HSD17B2: variants seen among roughly 807,000 people sequenced by gnomAD.
HSD17B2 encodes the protein hydroxysteroid 17-beta dehydrogenase 2, also known as 17-beta-hydroxysteroid dehydrogenase type 2.
Under a neutral mutation model 26.9 loss-of-function variants are expected in HSD17B2, and 32 were observed. That is an observed-to-expected ratio of 1.19 (90% CI 0.90 to 1.60). HSD17B2 has a LOEUF of 1.60. Ranked by LOEUF, HSD17B2 falls within the 40% of genes most tolerant of loss-of-function variation. The pLI is 0.00. For synonymous variants in HSD17B2, 246 were observed against 186.7 expected (o/e 1.32, Z -2.59); for missense variants, 613 against 468.6 (o/e 1.31, Z -2.85).
chr16:82,042,707 C>T (rs1334690355), intron 1 of HSD17B2, among the ~76,000 whole-genome samples: 1 of 151,984 alleles, frequency 6.6e-6, no homozygotes, highest in Non-Finnish European at 1.5e-5. Flanking sequence ...CTGCAACCTC[C>T]TCCTCCTGGG....
chr16:82,092,231 A>T (rs901378276), intron 4 of HSD17B2: 8 of 152,082 alleles, frequency 5.3e-5, no homozygotes, highest in South Asian at 4.2e-4. Flanking sequence ...TTTCAGAAAC[A>T]ATATTTTTCT....
At chr16:82,060,809 G>A (rs1914417394) in intron 1 of HSD17B2, among the ~76,000 whole-genome samples, 1 of 152,172 alleles carries the variant, frequency 6.6e-6, no homozygotes, top group Admixed American at 6.5e-5. Context: ...TAGGGGCAAG[G>A]ACGCATAAAG....
intron 1 of HSD17B2, among the ~76,000 whole-genome samples, chr16:82,060,444 G>C (rs975622749): frequency 5.3e-5 from 8 of 152,188 alleles, no homozygotes; most frequent in African/African-American, 1.9e-4. Flanking sequence ...GGGGAGCCCC[G>C]GAGGTCCTCA....
At chr16:82,095,163 G>GT (rs946646223) in intron 4 of HSD17B2, 2 of 152,218 alleles carry the variant, frequency 1.3e-5, no homozygotes, top group African/African-American at 4.8e-5. Context: ...GAAGAATGAG[G>GT]TGTCAGCCCA....
chr16:82,096,971 A>T (rs1486757536), intron 4 of HSD17B2: 1 of 151,970 alleles, frequency 6.6e-6, no homozygotes, highest in Admixed American at 6.6e-5. Flanking sequence ...GTGGGCTGAA[A>T]GGAGAGATTT....
chr16:82,070,841 G>A (rs1278845028), intron 2 of HSD17B2, 101 bp from the exon 3 acceptor site: 2 of 1,113,622 alleles, frequency 1.8e-6, no homozygotes, highest in South Asian at 1.5e-5. Context: ...CAGGAGACCT[G>A]GCTCACACGT....
intron 1 of HSD17B2, among the ~76,000 whole-genome samples, chr16:82,040,655 G>A (rs147948089): frequency 6.6e-6 from 1 of 152,166 alleles, no homozygotes; most frequent in African/African-American, 2.4e-5. Flanking sequence ...GCTTAATACA[G>A]AGCTTGGCAA....
chr16:82,091,676 C>A (rs529968396), intron 4 of HSD17B2: 1 of 153,948 alleles, frequency 6.5e-6, no homozygotes, highest in African/African-American at 2.4e-5. Flanking sequence ...CCTTATGCTG[C>A]TAGAAACTGT....
intron 3 of HSD17B2, among the ~76,000 whole-genome samples, chr16:82,080,203 G>C (rs1183065523): frequency 6.6e-6 from 1 of 152,206 alleles, no homozygotes; most frequent in Non-Finnish European, 1.5e-5. Context: ...CAGCTGGTCT[G>C]GGAGGCAGAA....
chr16:82,038,711 C>A (rs916199748), intron 1 of HSD17B2, among the ~76,000 whole-genome samples: 1 of 152,218 alleles, frequency 6.6e-6, no homozygotes, highest in Non-Finnish European at 1.5e-5. Context: ...AGAGGCAGTG[C>A]TTTCTGTGAG....
At chr16:82,039,352 GGA>G (rs1184386645) in intron 1 of HSD17B2, among the ~76,000 whole-genome samples, 7 of 134,080 alleles carry the variant, frequency 5.2e-5, no homozygotes, top group East Asian at 2.1e-4. Flanking sequence ...AGAGAGAGAG[GGA>G]GAGAGAGAGA....
chr16:82,050,022 T>C (rs1597122474), intron 1 of HSD17B2, among the ~76,000 whole-genome samples: 1 of 152,230 alleles, frequency 6.6e-6, no homozygotes, highest in Non-Finnish European at 1.5e-5. Context: ...CTAAGGCATG[T>C]GCCTGGGCAT....
chr16:82,063,862 CTT>C (rs561138253), intron 1 of HSD17B2, among the ~76,000 whole-genome samples: 269 of 152,262 alleles, frequency 1.8e-3, no homozygotes, highest in African/African-American at 6.3e-3. Context: ...TTAACGAACA[CTT>C]TGTTCCGACT....
chr16:82,087,421 A>G (rs1237110089), intron 3 of HSD17B2, among the ~76,000 whole-genome samples: 1 of 152,190 alleles, frequency 6.6e-6, no homozygotes, highest in East Asian at 1.9e-4. Context: ...TTGGACACCT[A>G]TATTTATCTC....
intron 3 of HSD17B2, among the ~76,000 whole-genome samples, chr16:82,088,376 G>A (rs9939740): frequency 0.57 from 86,477 of 151,940 alleles, 24,812 homozygotes; most frequent in Middle Eastern, 0.67. Flanking sequence ...TTTAACTTTC[G>A]CAACGATCCT....
At chr16:82,090,317 T>TG (rs1904651416) in intron 3 of HSD17B2, 1 of 322,762 alleles carries the variant, frequency 3.1e-6, no homozygotes, top group South Asian at 1.3e-4. Flanking sequence ...TTTTTTTTTT[T>TG]TTTTTTTTTT....
intron 4 of HSD17B2, 146 bp from the exon 5 acceptor site, chr16:82,097,929 C>T: frequency 1.4e-6 from 1 of 701,692 alleles, no homozygotes; most frequent in Non-Finnish European, 2.1e-6. Context: ...CAGAGAAAGA[C>T]TCTGTATCCC....
intron 3 of HSD17B2, among the ~76,000 whole-genome samples, chr16:82,086,916 T>C (rs1324692548): frequency 1.3e-5 from 2 of 152,228 alleles, no homozygotes; most frequent in African/African-American, 2.4e-5. Context: ...TGTCCTCACA[T>C]AGCCCTTCCT....
chr16:82,050,638 C>T (rs1038167631), intron 1 of HSD17B2, among the ~76,000 whole-genome samples: 2 of 152,316 alleles, frequency 1.3e-5, no homozygotes, highest in Admixed American at 1.3e-4. Flanking sequence ...CCAGATCCCA[C>T]ACCTCTCTCC....
Sources: gnomAD v4.1 joint callset for allele counts (sites outside exome capture counted in the v4.1 genomes callset) on GRCh38, gnomAD v4.1.1 for gene constraint, MANE v1.5 for transcripts, NCBI Gene and HGNC (gene_info 2026-07-23, HGNC 2026-07-21) for gene names.